NPHP3: variants seen among roughly 807,000 people sequenced by gnomAD.
NPHP3 encodes the protein nephrocystin 3.
In NPHP3, 123 loss-of-function variants were observed where a neutral mutation model predicts 171.9. That is an observed-to-expected ratio of 0.72 (90% CI 0.62 to 0.83). The LOEUF (loss-of-function observed/expected upper bound fraction) is 0.83. Among genes scored for constraint, NPHP3 ranks in the 40% least tolerant of loss-of-function variants. NPHP3 has a pLI of 0.00. For missense variants in NPHP3, 1,506 were observed against 1,591.9 expected (o/e 0.95, Z 0.92); for synonymous variants, 558 against 579.2 (o/e 0.96, Z 0.52).
At chr3:132,705,534 A>G in intron 8 of NPHP3, 1 of 429,064 alleles carries the variant, frequency 2.3e-6, no homozygotes, top group East Asian at 3.9e-5. Flanking sequence ...TAGTCCTCTG[A>G]GATAGATGAG....
At chr3:132,713,325 T>A in intron 5 of NPHP3, 39 bp from the exon 6 acceptor site, 1 of 1,406,816 alleles carries the variant, frequency 7.1e-7, no homozygotes, top group Non-Finnish European at 9.9e-7. Flanking sequence ...TTAATGTATT[T>A]AACTAAAGAT....
At chr3:132,716,413 C>G (rs1289489351) in intron 4 of NPHP3, among the ~76,000 whole-genome samples, 1 of 152,168 alleles carries the variant, frequency 6.6e-6, no homozygotes, top group Non-Finnish European at 1.5e-5. Flanking sequence ...CTCTAATCTT[C>G]AACACTATCA....
intron 10 of NPHP3, 142 bp downstream of exon 10, chr3:132,701,288 C>A (rs1178942241): frequency 7.7e-6 from 5 of 645,432 alleles, no homozygotes; most frequent in Non-Finnish European, 1.4e-5. Flanking sequence ...CATTTCAGGG[C>A]ATGAACCTAT....
chr3:132,717,966 G>A (rs1468926398), intron 3 of NPHP3: 1 of 381,226 alleles, frequency 2.6e-6, no homozygotes, highest in East Asian at 9.4e-5. Flanking sequence ...ATGTTGGCCA[G>A]GATGGTCTTG....
At chr3:132,704,119 T>A (rs1009212782) in intron 9 of NPHP3, 79 bp downstream of exon 9, 1 of 1,341,640 alleles carries the variant, frequency 7.5e-7, no homozygotes, top group Non-Finnish European at 1.1e-6. Context: ...ACCTTAACTA[T>A]ATTTAGATGA....
intron 19 of NPHP3, 106 bp from the exon 20 acceptor site, chr3:132,689,369 C>T (rs567031286): frequency 1.3e-5 from 15 of 1,180,874 alleles, no homozygotes; most frequent in African/African-American, 9.0e-5. Flanking sequence ...TATTAGTAGG[C>T]GAGTACTGTG....
At chr3:132,697,176 T>C (rs943617803) in intron 14 of NPHP3, 84 bp downstream of exon 14, 1 of 934,942 alleles carries the variant, frequency 1.1e-6, no homozygotes, top group African/African-American at 1.6e-5. Context: ...ACAGATCCCC[T>C]ATATTGAATT....
intron 21 of NPHP3, among the ~76,000 whole-genome samples, chr3:132,687,481 GACAAA>G (rs1369325374): frequency 6.6e-6 from 1 of 151,966 alleles, no homozygotes; most frequent in Non-Finnish European, 1.5e-5. Flanking sequence ...AAAAAATTTT[GACAAA>G]ACAAAGCAAG....
In NPHP3 at chr3:132,689,271, A is replaced by G; in HGVS notation, c.2694-8T>C. On this transcript the variant is annotated splice_region_variant and splice_polypyrimidine_tract_variant and intron_variant, in intron 19 of 26. Coordinates refer to ENST00000337331, the MANE Select transcript of NPHP3 (RefSeq NM_153240.5). Reference sequence around the variant, plus strand: ...AACTCAGCAAAGTGTCCCCTGTTTCAACAAATAACAGTACTTTAATGAAAA... The same window carrying G: ...AACTCAGCAAAGTGTCCCCTGTTTCGACAAATAACAGTACTTTAATGAAAA... The G allele has an allele frequency of 6.2e-7, 1 of 1,613,844 alleles. No individual in the cohort carries two copies. The highest frequency in any genetic ancestry group is 8.5e-7 in the Non-Finnish European group (1 of 1,179,694).
Position 132,694,817 on chromosome 3 carries a change from T to C in NPHP3, c.2310+10A>G, listed in dbSNP as rs1939404058. On this transcript the variant is annotated intron_variant, in intron 16 of 26. Coordinates refer to ENST00000337331, the MANE Select transcript of NPHP3 (RefSeq NM_153240.5). ...CTAACATTCCTTTTTATAAGTTTAT[T>C]ACATTCTACCTGCTTCATTAGCTCT... 6.2e-7 allele frequency: 1 copy of C among 1,612,382 alleles called. No homozygotes were observed. The highest frequency in any genetic ancestry group is 1.1e-5 in the South Asian group (1 of 91,084).
intron 23 of NPHP3, 163 bp downstream of exon 23, chr3:132,686,097 T>G: frequency 1.6e-6 from 1 of 641,766 alleles, no homozygotes. Flanking sequence ...GAAAATGCCA[T>G]GGTCTTTAGG....
intron 8 of NPHP3, 117 bp from the exon 9 acceptor site, chr3:132,704,488 A>G: frequency 1.1e-6 from 1 of 895,298 alleles, no homozygotes; most frequent in Admixed American, 1.7e-5. Flanking sequence ...TCAAACATAC[A>G]GCCTTTGTAT....
chr3:132,701,854 C>T (rs1035300001), intron 9 of NPHP3, among the ~76,000 whole-genome samples: 1 of 152,132 alleles, frequency 6.6e-6, no homozygotes, highest in African/African-American at 2.4e-5. Context: ...AATCCTGTCT[C>T]TACTAAAAAT....
rs146400879 is a variant in NPHP3, at chr3:132,699,085, G to A, written c.1985+268C>T. Among the ~76,000 whole-genome samples, 3,199 of 152,158 alleles carry A rather than the reference G, an allele frequency of 0.021. 170 individuals carry two copies. The highest frequency in any genetic ancestry group is 0.15 in the East Asian group (784 of 5,166). On this transcript the variant is annotated intron_variant, in intron 13 of 26. Coordinates refer to ENST00000337331, the MANE Select transcript of NPHP3 (RefSeq NM_153240.5). ...TTTTTGTATTTTTTGTAGAGACAGG[G>A]TTTCACCATGTTGGCCAGGCTGGTC...
chr3:132,709,525 C>T (rs571893388), intron 6 of NPHP3, among the ~76,000 whole-genome samples: 1 of 152,234 alleles, frequency 6.6e-6, no homozygotes, highest in East Asian at 1.9e-4. Flanking sequence ...TCAAGTGATC[C>T]TCTCACCTTG....
chr3:132,711,250 C>T (rs143386367), intron 6 of NPHP3, among the ~76,000 whole-genome samples: 20 of 152,034 alleles, frequency 1.3e-4, no homozygotes, highest in Non-Finnish European at 2.9e-4. Context: ...TACCTCTTGA[C>T]AGGCATGAAA....
chr3:132,682,631 T>C (rs1939059915), intron 26 of NPHP3, 72 bp downstream of exon 26: 1 of 910,560 alleles, frequency 1.1e-6, no homozygotes, highest in Admixed American at 1.7e-5. Context: ...GTAATACATA[T>C]TTTGTGCTAT....
At chr3:132,692,512 C>T (rs1939326379) in intron 17 of NPHP3, 142 bp downstream of exon 17, 1 of 714,110 alleles carries the variant, frequency 1.4e-6, no homozygotes, top group African/African-American at 1.8e-5. Context: ...GTATTGTTAA[C>T]TATAGGGACA....
intron 2 of NPHP3, 76 bp downstream of exon 2, chr3:132,719,629 T>A (rs1463691819): frequency 5.3e-6 from 5 of 936,334 alleles, no homozygotes; most frequent in Non-Finnish European, 7.4e-6. Flanking sequence ...ATTCATCGCA[T>A]TATATATTAT....
Sources: allele counts gnomAD v4.1 joint callset (sites outside exome capture counted in the v4.1 genomes callset), GRCh38; gene constraint gnomAD v4.1.1; transcripts MANE v1.5; gene names NCBI Gene and HGNC (gene_info 2026-07-23, HGNC 2026-07-21).